The following LEKR1 variants were observed in gnomAD, a reference collection of about 807,000 sequenced individuals.
LEKR1 encodes the protein leucine, glutamate and lysine rich 1.
LEKR1 carries 59 observed loss-of-function variants against 72.4 expected under a neutral mutation model. The ratio of observed to expected loss-of-function variants is 0.82; its 90% CI spans 0.66 to 1.01. LEKR1 has a LOEUF of 1.01. Ranked by LOEUF, LEKR1 falls within the 50% of genes least tolerant of loss-of-function variation. The pLI is 0.00. For missense variants in LEKR1, 728 were observed against 759.2 expected (o/e 0.96, Z 0.48); for synonymous variants, 257 against 263.2 (o/e 0.98, Z 0.23).
rs151274433 is a variant in LEKR1 at position 156,830,109 on chromosome 3, A to G, written c.48+732A>G. 3.4e-3 allele frequency among the ~76,000 whole-genome samples: 518 copies of G among 152,352 alleles called. 2 individuals are homozygous for G. The highest frequency in any genetic ancestry group is 0.012 in the African/African-American group (493 of 41,590). ...AAAAAAACATAACGAAGAAGTATTA[A>G]ATTGTAACTACGTAAAATTAACTGT... On this transcript the variant is annotated intron_variant, in intron 2 of 12. Coordinates refer to ENST00000356539, the MANE Select transcript of LEKR1 (RefSeq NM_001004316.3).
rs1560063167 is a variant in LEKR1, at chr3:156,899,283, T to TACATGTATATATACATATATACATACAC, written c.264-21266_264-21239dup. ...ATATATATACACACATGTATATATA[T>TACATGTATATATACATATATACATACAC]ACATGTATATATACATATATACATA... On this transcript the variant is annotated intron_variant, in intron 3 of 12. Coordinates refer to ENST00000356539, the MANE Select transcript of LEKR1 (RefSeq NM_001004316.3). 3.3e-4 allele frequency among the ~76,000 whole-genome samples: 48 copies of TACATGTATATATACATATATACATACAC among 146,790 alleles called. 2 individuals carry two copies. Among genetic ancestry groups the TACATGTATATATACATATATACATACAC allele is most frequent in the Non-Finnish European group, 4.9e-4 (33 of 66,922 alleles).
At chr3:156,944,049 T>C (rs1262820649) in intron 6 of LEKR1, among the ~76,000 whole-genome samples, 1 of 151,690 alleles carries the variant, frequency 6.6e-6, no homozygotes, top group African/African-American at 2.4e-5. Context: ...AATTTATCTA[T>C]TGACTTTTTA....
chr3:156,918,311 CT>C (rs1440936734), intron 3 of LEKR1, among the ~76,000 whole-genome samples: 1 of 152,124 alleles, frequency 6.6e-6, no homozygotes, highest in Non-Finnish European at 1.5e-5. Context: ...GGGGGCTAAT[CT>C]TTAAAGGACG....
At chr3:156,952,559 A>G (rs1727259324) in intron 6 of LEKR1, among the ~76,000 whole-genome samples, 1 of 151,454 alleles carries the variant, frequency 6.6e-6, no homozygotes, top group Admixed American at 6.6e-5. Flanking sequence ...AACAAAACCC[A>G]AAAGTATGAT....
intron 6 of LEKR1, among the ~76,000 whole-genome samples, chr3:156,953,723 A>G (rs2107977772): frequency 6.6e-6 from 1 of 152,136 alleles, no homozygotes; most frequent in Non-Finnish European, 1.5e-5. Context: ...GCTGCATAGT[A>G]TTCCATGGTG....
chr3:156,971,676 C>T (rs11707052), intron 6 of LEKR1, among the ~76,000 whole-genome samples: 64,323 of 151,528 alleles, frequency 0.42, 15,848 homozygotes, highest in East Asian at 0.72. Flanking sequence ...AAAAAGTGGG[C>T]GAAGGATATG....
rs552689240 is a variant in LEKR1, at chr3:156,899,580, A to G, written c.264-20995A>G. On this transcript the variant is annotated intron_variant, in intron 3 of 12. Coordinates refer to ENST00000356539, the MANE Select transcript of LEKR1 (RefSeq NM_001004316.3). Reference sequence around the variant, plus strand: ...TATACATATACATGTATATATACATATACATGTATATATACATATACGTAT... The same window carrying G: ...TATACATATACATGTATATATACATGTACATGTATATATACATATACGTAT... Among the ~76,000 whole-genome samples the G allele has an allele frequency of 8.3e-5, 12 of 144,000 alleles. No individual in the cohort carries two copies. The East Asian group carries it at 2.4e-3, about 29-fold the overall frequency. 94.5% of individuals were successfully genotyped at this position (144,000 alleles called of 152,430 possible).
At chr3:157,001,155 C>T (rs1731984688) in intron 9 of LEKR1, among the ~76,000 whole-genome samples, 1 of 152,206 alleles carries the variant, frequency 6.6e-6, no homozygotes, top group African/African-American at 2.4e-5. Flanking sequence ...TTAAAACATA[C>T]TATTACAGAT....
chr3:156,963,586 C>T (rs528449132), intron 6 of LEKR1, among the ~76,000 whole-genome samples: 1 of 152,244 alleles, frequency 6.6e-6, no homozygotes, highest in East Asian at 1.9e-4. Flanking sequence ...CTGGTACTAT[C>T]TTAACATCAT....
At chr3:157,044,884 TTA>T (rs540967516) in intron 12 of LEKR1, among the ~76,000 whole-genome samples, 137 of 152,326 alleles carry the variant, frequency 9.0e-4, no homozygotes, top group African/African-American at 3.1e-3. Context: ...TTTTACCTGT[TTA>T]TGTTATTATA....
At chr3:156,935,258 A>G (rs1560092675) in intron 5 of LEKR1, among the ~76,000 whole-genome samples, 4 of 152,224 alleles carry the variant, frequency 2.6e-5, no homozygotes. Flanking sequence ...GGAAATGCAC[A>G]CATGAGGACA....
At chr3:156,851,112 T>G (rs1210766951) in intron 2 of LEKR1, 2 of 130,780 alleles carry the variant, frequency 1.5e-5, no homozygotes, top group African/African-American at 4.0e-5. Context: ...CTATTGCATC[T>G]GGGCACCATA....
intron 11 of LEKR1, among the ~76,000 whole-genome samples, chr3:157,026,639 A>G (rs186928666): frequency 6.6e-6 from 1 of 152,292 alleles, no homozygotes; most frequent in African/African-American, 2.4e-5. Context: ...CTTTCTGTAA[A>G]TTTAACATTT....
chr3:156,940,977 A>G (rs143929066), intron 5 of LEKR1, among the ~76,000 whole-genome samples: 2,003 of 152,236 alleles, frequency 0.013, 14 homozygotes, highest in Non-Finnish European at 0.018. Flanking sequence ...TTTTGGCTAC[A>G]AAAATACCCA....
intron 3 of LEKR1, among the ~76,000 whole-genome samples, chr3:156,859,429 T>TA (rs1716493046): frequency 6.6e-6 from 1 of 152,218 alleles, no homozygotes; most frequent in African/African-American, 2.4e-5. Flanking sequence ...ACTGACTTTT[T>TA]AACAAATTAA....
chr3:156,891,638 T>C (rs895393586), intron 3 of LEKR1, among the ~76,000 whole-genome samples: 1 of 152,184 alleles, frequency 6.6e-6, no homozygotes, highest in African/African-American at 2.4e-5. Context: ...GACAGGTACA[T>C]AGCTTACTTG....
At chr3:157,029,178 C>T (rs1178321727) in intron 12 of LEKR1, among the ~76,000 whole-genome samples, 4 of 151,948 alleles carry the variant, frequency 2.6e-5, no homozygotes, top group African/African-American at 7.3e-5. Flanking sequence ...ACAGCAATAT[C>T]GATTATTAAC....
At chr3:156,840,739 A>C (rs1347494097) in intron 2 of LEKR1, among the ~76,000 whole-genome samples, 1 of 152,232 alleles carries the variant, frequency 6.6e-6, no homozygotes, top group African/African-American at 2.4e-5. Context: ...AGAGAAGTCC[A>C]TTTACATTTA....
At chr3:156,969,297 C>T (rs1292402061) in intron 6 of LEKR1, among the ~76,000 whole-genome samples, 2 of 152,104 alleles carry the variant, frequency 1.3e-5, no homozygotes, top group Non-Finnish European at 2.9e-5. Context: ...GAAGTAGAGA[C>T]ACAAAAAACC....
Sources: allele counts gnomAD v4.1 joint callset (sites outside exome capture counted in the v4.1 genomes callset), GRCh38; gene constraint gnomAD v4.1.1; transcripts MANE v1.5; gene names NCBI Gene and HGNC (gene_info 2026-07-23, HGNC 2026-07-21).